Variants in RBFOX1 observed in about 807,000 individuals in gnomAD.
RBFOX1 encodes RNA binding fox-1 homolog 1.
Under a neutral mutation model 57.7 loss-of-function variants are expected in RBFOX1, and 8 were observed. The ratio of observed to expected loss-of-function variants is 0.14; its 90% CI spans 0.08 to 0.25. The LOEUF (loss-of-function observed/expected upper bound fraction) is 0.25, where lower values mean the gene tolerates loss of function less well. Among genes scored for constraint, RBFOX1 ranks in the 10% least tolerant of loss-of-function variants. The pLI is 1.00. For synonymous variants in RBFOX1, 326 were observed against 222.4 expected (o/e 1.47, Z -4.15); for missense variants, 611 against 548.5 (o/e 1.11, Z -1.14).
intron 3 of RBFOX1, among the ~76,000 whole-genome samples, chr16:5,846,056 C>G (rs1169614321): frequency 6.6e-6 from 1 of 151,960 alleles, no homozygotes; most frequent in Non-Finnish European, 1.5e-5. Context: ...GCCTGTAATC[C>G]CAGTAATCCT....
chr16:7,307,066 T>C (rs192998026), intron 4 of RBFOX1, among the ~76,000 whole-genome samples: 1 of 152,232 alleles, frequency 6.6e-6, no homozygotes, highest in African/African-American at 2.4e-5. Context: ...TATTTTATAA[T>C]TGTTTAGAAA....
intron 2 of RBFOX1, among the ~76,000 whole-genome samples, chr16:6,334,186 A>C (rs1415129190): frequency 6.6e-6 from 1 of 151,970 alleles, no homozygotes; most frequent in Non-Finnish European, 1.5e-5. Context: ...CTTGTCAGCC[A>C]CTCCACAGAG....
intron 3 of RBFOX1, among the ~76,000 whole-genome samples, chr16:6,913,459 C>T (rs759031255): frequency 3.3e-5 from 5 of 152,134 alleles, no homozygotes; most frequent in African/African-American, 7.2e-5. Context: ...AGACCCTGAG[C>T]ATGTTGCCAT....
intron 3 of RBFOX1, among the ~76,000 whole-genome samples, chr16:6,916,931 C>T (rs2073318896): frequency 2.0e-5 from 3 of 152,132 alleles, no homozygotes; most frequent in Non-Finnish European, 4.4e-5. Flanking sequence ...CTCACTGCAA[C>T]CTCCACCTTC....
intron 3 of RBFOX1, among the ~76,000 whole-genome samples, chr16:6,664,870 C>T (rs2098722345): frequency 6.6e-6 from 1 of 152,150 alleles, no homozygotes; most frequent in South Asian, 2.1e-4. Context: ...GCCCCTTCAC[C>T]AGCTGGCAGA....
rs1401513930 is a variant in RBFOX1, at chr16:6,968,043, T to G, written c.-15-84014T>G. On this transcript the variant is annotated intron_variant, in intron 3 of 15. Coordinates refer to ENST00000550418, the MANE Select transcript of RBFOX1 (RefSeq NM_018723.4). Reference sequence around the variant, plus strand: ...GTAAGGAAGCCATGTGGGCTCACAGTGCTGGGAGGTGCTTGGGTCTGACCC... The same window carrying G: ...GTAAGGAAGCCATGTGGGCTCACAGGGCTGGGAGGTGCTTGGGTCTGACCC... Among the ~76,000 whole-genome samples the G allele has an allele frequency of 2.0e-5, 3 of 152,106 alleles. No homozygotes were observed. The East Asian group carries it at 5.8e-4, about 29-fold the overall frequency.
At position 6,637,907 on chromosome 16, in the gene RBFOX1, T is replaced by A. The variant is rs560005773; in HGVS notation, c.-63-16696T>A. On this transcript the variant is annotated intron_variant, in intron 2 of 15. Transcript: ENST00000550418. ...GACAGTGAATTACATTTTACAGGGA[T>A]TTTACCCAAAAATGGTTAAAATGAC... Among the ~76,000 whole-genome samples, 15 of 152,188 alleles carry A rather than the reference T, an allele frequency of 9.9e-5. No homozygotes were observed. In the South Asian group the frequency reaches 2.7e-3, roughly 27 times the overall value.
intron 1 of RBFOX1, among the ~76,000 whole-genome samples, chr16:6,115,168 C>T (rs554771104): frequency 6.6e-6 from 1 of 152,218 alleles, no homozygotes; most frequent in African/African-American, 2.4e-5. Context: ...TTTACTAGTT[C>T]CTGCCATTTT....
At chr16:6,108,540 G>C (rs1022465085) in intron 1 of RBFOX1, among the ~76,000 whole-genome samples, 2 of 152,134 alleles carry the variant, frequency 1.3e-5, no homozygotes, top group African/African-American at 4.8e-5. Context: ...AGTTGGGATG[G>C]ATTAGGAAGC....
chr16:6,957,112 T>G (rs959677365), intron 3 of RBFOX1, among the ~76,000 whole-genome samples: 5 of 96,194 alleles, frequency 5.2e-5, no homozygotes, highest in African/African-American at 2.4e-4. Context: ...TTTTTTATTT[T>G]TATTTTTATT....
intron 4 of RBFOX1, among the ~76,000 whole-genome samples, chr16:7,352,222 C>A (rs1173532433): frequency 6.6e-6 from 1 of 152,112 alleles, no homozygotes; most frequent in Non-Finnish European, 1.5e-5. Context: ...CATTTTTCAG[C>A]CTTTCCCAAG....
intron 4 of RBFOX1, among the ~76,000 whole-genome samples, chr16:7,350,715 T>C (rs1442056563): frequency 6.6e-6 from 1 of 152,178 alleles, no homozygotes; most frequent in Non-Finnish European, 1.5e-5. Flanking sequence ...TTGATCTTCA[T>C]TGACCGGAGA....
At chr16:6,505,070 C>G (rs1330549575) in intron 2 of RBFOX1, among the ~76,000 whole-genome samples, 1 of 152,098 alleles carries the variant, frequency 6.6e-6, no homozygotes, top group African/African-American at 2.4e-5. Flanking sequence ...GACACTCCGT[C>G]TCAATAAATA....
Position 6,431,893 on chromosome 16 carries a change from C to CT in RBFOX1, c.-64+114838dup, listed in dbSNP as rs200133043. 1.2e-3 allele frequency among the ~76,000 whole-genome samples: 130 copies of CT among 107,302 alleles called. 1 individual carries two copies. The East Asian group carries it at 0.019, about 16-fold the overall frequency. 70.4% of individuals were successfully genotyped at this position (107,302 alleles called of 152,430 possible). On this transcript the variant is annotated intron_variant, in intron 2 of 15. Coordinates refer to ENST00000550418, the MANE Select transcript of RBFOX1 (RefSeq NM_018723.4). The stretch of plus-strand genomic sequence containing the variant: ...ACATGTCCAGAAATATGCTTGCTTG[C>CT]TTGCTTTCTTTCTTTCTTTCTTTCT...
chr16:7,205,005 C>G (rs1214964261), intron 4 of RBFOX1, among the ~76,000 whole-genome samples: 1 of 152,192 alleles, frequency 6.6e-6, no homozygotes, highest in South Asian at 2.1e-4. Context: ...CCTACACTCT[C>G]TTTTCCATGT....
At chr16:6,625,854 T>A (rs1000433520) in intron 2 of RBFOX1, among the ~76,000 whole-genome samples, 5 of 152,246 alleles carry the variant, frequency 3.3e-5, no homozygotes, top group Admixed American at 1.3e-4. Context: ...TTTAATGATG[T>A]CTGCCATTGT....
intron 11 of RBFOX1, among the ~76,000 whole-genome samples, chr16:7,637,222 A>G (rs1887000369): frequency 6.6e-6 from 1 of 151,666 alleles, no homozygotes; most frequent in African/African-American, 2.4e-5. Flanking sequence ...TTAATAGAAG[A>G]TTAATTATCG....
At chr16:5,811,650 G>A (rs1261365471) in intron 3 of RBFOX1, among the ~76,000 whole-genome samples, 1 of 151,602 alleles carries the variant, frequency 6.6e-6, no homozygotes. Flanking sequence ...AGGGTTTCAC[G>A]ATGTTGGCCT....
chr16:7,199,601 G>T (rs183555787), intron 4 of RBFOX1, among the ~76,000 whole-genome samples: 1 of 152,132 alleles, frequency 6.6e-6, no homozygotes, highest in Admixed American at 6.5e-5. Flanking sequence ...GATGAAATTA[G>T]ACAAAAAGGC....
Sources: allele counts gnomAD v4.1 joint callset (sites outside exome capture counted in the v4.1 genomes callset), GRCh38; gene constraint gnomAD v4.1.1; transcripts MANE v1.5; gene names NCBI Gene and HGNC (gene_info 2026-07-23, HGNC 2026-07-21).